The following CUL1 variants were observed in gnomAD, a reference collection of about 807,000 sequenced individuals.
CUL1 encodes cullin-1.
Under a neutral mutation model 118.0 loss-of-function variants are expected in CUL1, and 24 were observed. The observed-to-expected ratio is 0.20, with a 90% CI of 0.15 to 0.29. CUL1 has a LOEUF of 0.29. Ranked by LOEUF, CUL1 falls within the 10% of genes least tolerant of loss-of-function variation. The probability of loss-of-function intolerance (pLI) is 1.00; values close to 1 mark genes in which losing one functional copy is unlikely to be tolerated. For synonymous variants in CUL1, 332 were observed against 340.4 expected, an observed-to-expected ratio of 0.98 and a Z score of 0.27; for missense variants, 361 against 933.8, an observed-to-expected ratio of 0.39 and a Z score of 7.99.
chr7:148,769,303 A>C (rs182176488), intron 9 of CUL1, among the ~76,000 whole-genome samples: 299 of 152,246 alleles, frequency 2.0e-3, no homozygotes, highest in Non-Finnish European at 3.0e-3. Context: ...TTATGAGTAC[A>C]CATAATTTTT....
intron 2 of CUL1, among the ~76,000 whole-genome samples, chr7:148,748,564 T>C (rs554309089): frequency 6.6e-6 from 1 of 152,282 alleles, no homozygotes; most frequent in South Asian, 2.1e-4. Flanking sequence ...ATAAAACCAT[T>C]TGGGAGATTT....
chr7:148,788,833 G>A (rs566715925), intron 14 of CUL1, among the ~76,000 whole-genome samples, 159 bp downstream of exon 14: 1 of 152,290 alleles, frequency 6.6e-6, no homozygotes, highest in East Asian at 1.9e-4. Context: ...CTCCTCCCCC[G>A]ACTCCCGTGT....
chr7:148,700,624 C>G (rs1797692346), intron 1 of CUL1, among the ~76,000 whole-genome samples: 1 of 152,120 alleles, frequency 6.6e-6, no homozygotes, highest in South Asian at 2.1e-4. Context: ...ATTTCAAATT[C>G]CAAAGCATGC....
At chr7:148,699,700 G>A (rs969179959) in intron 1 of CUL1, among the ~76,000 whole-genome samples, 13 of 152,190 alleles carry the variant, frequency 8.5e-5, no homozygotes, top group African/African-American at 3.1e-4. Context: ...CTGGGAGAGC[G>A]GGCCGGGGCA....
intron 2 of CUL1, among the ~76,000 whole-genome samples, chr7:148,737,635 C>G (rs1221854175): frequency 1.3e-5 from 2 of 151,300 alleles, no homozygotes; most frequent in Non-Finnish European, 2.9e-5. Context: ...GCGCCTCACT[C>G]TGTTGCCCAG....
chr7:148,703,839 A>G (rs1045985973), intron 1 of CUL1, among the ~76,000 whole-genome samples: 24 of 152,120 alleles, frequency 1.6e-4, no homozygotes, highest in African/African-American at 5.8e-4. Flanking sequence ...CCGTGAGGAT[A>G]TTTAAAGTAG....
Position 148,783,787 on chromosome 7 carries a change from C to A in CUL1, c.1088C>A (p.Pro363His). The A allele has an allele frequency of 6.2e-7, 1 of 1,613,982 alleles. No homozygotes were observed. Among genetic ancestry groups the A allele is most frequent in the Non-Finnish European group, 8.5e-7 (1 of 1,179,934 alleles). Residue 363 changes from proline (P) to histidine (H), a missense_variant, in exon 10 of 22, where the codon CCC becomes CAC. Pro to His is a moderately conservative substitution (Grantham distance 77). Coordinates refer to ENST00000325222, the MANE Select transcript of CUL1 (RefSeq NM_003592.3). ...CTATTTCTGCCCCCATTTAAGGACC[C>A]CAAAATGTATGTACAGACAGTGCTT... is the stretch of plus-strand genomic sequence containing the variant. Reference protein sequence around the residue: ...EKCGEAALNDPKMYVQTVLDV... With the variant: ...EKCGEAALNDHKMYVQTVLDV...
intron 1 of CUL1, among the ~76,000 whole-genome samples, chr7:148,703,609 T>C (rs1797787246): frequency 6.6e-6 from 1 of 152,038 alleles, no homozygotes; most frequent in African/African-American, 2.4e-5. Flanking sequence ...CTCGGCTCAC[T>C]GCAACCTCCG....
chr7:148,698,465 T>G (rs935927758), upstream of CUL1: 4 of 151,804 alleles, frequency 2.6e-5, no homozygotes, highest in African/African-American at 9.7e-5. Context: ...AGGGAGGCTG[T>G]AAAACCTGGC....
intron 2 of CUL1, among the ~76,000 whole-genome samples, chr7:148,740,584 G>T (rs544596147): frequency 6.6e-6 from 1 of 152,190 alleles, no homozygotes; most frequent in African/African-American, 2.4e-5. Flanking sequence ...TGAACATTTT[G>T]TATACATGTA....
At chr7:148,774,092 G>A (rs927010425) in intron 9 of CUL1, among the ~76,000 whole-genome samples, 1 of 152,186 alleles carries the variant, frequency 6.6e-6, no homozygotes, top group Non-Finnish European at 1.5e-5. Context: ...ATAAGGATAT[G>A]AGACACAAAA....
At chr7:148,755,022 G>A (rs759798879) in intron 3 of CUL1, among the ~76,000 whole-genome samples, 15 of 152,152 alleles carry the variant, frequency 9.9e-5, no homozygotes, top group Non-Finnish European at 2.1e-4. Flanking sequence ...CGAAGTGTTG[G>A]GATTACAGGT....
In CUL1 at chr7:148,800,358, A is replaced by G. The variant is rs1801345426; in HGVS notation, c.2251-144A>G. On this transcript the variant is annotated intron_variant, in intron 21 of 21. Coordinates refer to ENST00000325222, the MANE Select transcript of CUL1 (RefSeq NM_003592.3). The surrounding 1 kb of genome is among the most constrained non-coding windows in gnomAD (Gnocchi z 4.6). ...CTGCCAGGAAGTAAAACTCTATGCT[A>G]ACAGATCTGGGGCGGGGACACTGCT... 2 of 634,820 alleles carry G rather than the reference A, an allele frequency of 3.2e-6. No individual in the cohort carries two copies. Among genetic ancestry groups the G allele is most frequent in the African/African-American group, 3.7e-5 (2 of 54,466 alleles). 39.3% of individuals were successfully genotyped at this position (634,820 alleles called of 1,614,324 possible).
chr7:148,759,389 T>A, intron 5 of CUL1, 35 bp downstream of exon 5: 1 of 1,608,526 alleles, frequency 6.2e-7, no homozygotes, highest in Non-Finnish European at 8.5e-7. Flanking sequence ...ATGTTCCTTT[T>A]AAAATCCCTT....
chr7:148,777,041 C>T (rs1800425423), intron 9 of CUL1, among the ~76,000 whole-genome samples: 1 of 152,314 alleles, frequency 6.6e-6, no homozygotes, highest in Non-Finnish European at 1.5e-5. Context: ...TAAATCTAGT[C>T]CACCTACAGC....
At chr7:148,776,106 G>A (rs1563166032) in intron 9 of CUL1, among the ~76,000 whole-genome samples, 1 of 151,588 alleles carries the variant, frequency 6.6e-6, no homozygotes, top group Non-Finnish European at 1.5e-5. Context: ...TTTTCTACAG[G>A]CTGAATTTTT....
intron 1 of CUL1, among the ~76,000 whole-genome samples, chr7:148,715,247 G>A (rs1456422446): frequency 1.3e-5 from 2 of 152,184 alleles, no homozygotes; most frequent in African/African-American, 4.8e-5. Flanking sequence ...GGAGAGGCAG[G>A]TATCTGGTGA....
chr7:148,753,887 G>T, intron 2 of CUL1, 89 bp from the exon 3 acceptor site: 2 of 943,346 alleles, frequency 2.1e-6, no homozygotes, highest in Non-Finnish European at 3.1e-6. Flanking sequence ...TATTGGGAAT[G>T]CATTGGTAAT....
At chr7:148,799,426 AT>A in intron 21 of CUL1, 38 bp downstream of exon 21, 1 of 1,368,564 alleles carries the variant, frequency 7.3e-7, no homozygotes, top group Non-Finnish European at 1.0e-6. Context: ...TCCTTTCTTA[AT>A]TTAGAAGATA....
Sources: gnomAD v4.1 joint callset for allele counts (sites outside exome capture counted in the v4.1 genomes callset) on GRCh38, gnomAD v4.1.1 for gene constraint, Gnocchi (gnomAD v3.1) non-coding constraint, MANE v1.5 for transcripts, NCBI Gene and HGNC (gene_info 2026-07-23, HGNC 2026-07-21) for gene names.